Variants in RORA observed in about 807,000 individuals in gnomAD.
RORA encodes the protein nuclear receptor ROR-alpha.
A neutral mutation model predicts 69.5 loss-of-function variants in RORA; 7 were observed. That is an observed-to-expected ratio of 0.10 (90% CI 0.06 to 0.19). The LOEUF is 0.19. RORA is among the 10% of genes least tolerant of loss of function. The pLI is 1.00. For missense variants in RORA, 457 were observed against 663.0 expected, an observed-to-expected ratio of 0.69 and a Z score of 3.41; for synonymous variants, 261 against 240.8, an observed-to-expected ratio of 1.08 and a Z score of -0.78.
chr15:61,019,550 T>C (rs1056219269), intron 1 of RORA, among the ~76,000 whole-genome samples: 22 of 152,106 alleles, frequency 1.4e-4, no homozygotes, highest in African/African-American at 5.3e-4. Context: ...GTTCAGAGGA[T>C]AATCGTTAGA....
intron 1 of RORA, among the ~76,000 whole-genome samples, 200 bp downstream of exon 1, chr15:61,228,853 G>T (rs2080173199): frequency 1.3e-5 from 2 of 150,554 alleles, no homozygotes; most frequent in South Asian, 4.2e-4. Flanking sequence ...GCTCCCGCAA[G>T]CCGAGAACGG....
chr15:60,708,061 G>T (rs1166017216), intron 1 of RORA, among the ~76,000 whole-genome samples: 1 of 152,100 alleles, frequency 6.6e-6, no homozygotes, highest in African/African-American at 2.4e-5. Flanking sequence ...CACCTCCTTG[G>T]ACTGAGGCTT....
At chr15:60,971,701 C>G (rs1893719097) in intron 1 of RORA, among the ~76,000 whole-genome samples, 1 of 152,230 alleles carries the variant, frequency 6.6e-6, no homozygotes, top group Non-Finnish European at 1.5e-5. Flanking sequence ...CTCTTAAAAG[C>G]TCTTTTACAG....
intron 1 of RORA, among the ~76,000 whole-genome samples, chr15:60,944,603 T>A (rs979361206): frequency 9.3e-5 from 14 of 150,110 alleles, no homozygotes; most frequent in Non-Finnish European, 2.1e-4. Context: ...CAAGCATCTG[T>A]GATCTCAGCT....
chr15:60,865,972 T>C (rs2073482788), intron 1 of RORA, among the ~76,000 whole-genome samples: 1 of 151,508 alleles, frequency 6.6e-6, no homozygotes, highest in African/African-American at 2.4e-5. Flanking sequence ...TTTTTACATG[T>C]GATATTTTGA....
intron 1 of RORA, among the ~76,000 whole-genome samples, chr15:61,207,973 T>C (rs901418193): frequency 2.0e-5 from 3 of 152,242 alleles, no homozygotes. Context: ...ACATTTTCAA[T>C]GACCCAGCCA....
At chr15:60,558,242 C>A in intron 2 of RORA, 1 of 1,611,496 alleles carries the variant, frequency 6.2e-7, no homozygotes, top group Non-Finnish European at 8.5e-7. Context: ...CCAGTAAGAA[C>A]AAAAGCATCA....
At chr15:60,736,164 G>T (rs867660874) in intron 1 of RORA, among the ~76,000 whole-genome samples, 53 of 152,242 alleles carry the variant, frequency 3.5e-4, no homozygotes, top group Middle Eastern at 6.8e-3. Flanking sequence ...GCTAAGAGTG[G>T]GGCCCAGATT....
intron 1 of RORA, among the ~76,000 whole-genome samples, chr15:61,227,206 A>C (rs2080153588): frequency 2.1e-5 from 2 of 95,280 alleles, no homozygotes; most frequent in East Asian, 3.3e-4. Flanking sequence ...TGTCCCCCCC[A>C]TTCCAAAAAA....
rs560396508 is a variant in RORA at position 60,544,451 on chromosome 15, C to T, written c.197-12600G>A. On this transcript the variant is annotated intron_variant, in intron 2 of 10. Transcript: ENST00000335670. ...CAGCTAGAACACCGTTTTTATACAC[C>T]GAACCCCTCGTGCTCTCCCTGCTTT... 6.6e-5 allele frequency among the ~76,000 whole-genome samples: 10 copies of T among 152,196 alleles called. No homozygotes were observed. In the South Asian group the frequency reaches 1.9e-3, roughly 28 times the overall value.
intron 1 of RORA, among the ~76,000 whole-genome samples, chr15:61,013,910 A>G (rs915213193): frequency 1.9e-4 from 28 of 150,482 alleles, no homozygotes; most frequent in Admixed American, 1.3e-3. Flanking sequence ...CAGCCTCCCG[A>G]GTAGCTGCGT....
chr15:60,942,130 C>T (rs536843788), intron 1 of RORA, among the ~76,000 whole-genome samples: 1 of 151,916 alleles, frequency 6.6e-6, no homozygotes, highest in East Asian at 1.9e-4. Flanking sequence ...TGGTTGAAAA[C>T]CAAAATATCA....
chr15:61,123,954 A>G (rs2079123194), intron 1 of RORA, among the ~76,000 whole-genome samples: 1 of 152,198 alleles, frequency 6.6e-6, no homozygotes, highest in African/African-American at 2.4e-5. Flanking sequence ...GCCTGCTGCA[A>G]AATCCTCGAA....
intron 1 of RORA, among the ~76,000 whole-genome samples, chr15:61,073,810 G>A (rs2078406796): frequency 6.6e-6 from 1 of 152,140 alleles, no homozygotes; most frequent in African/African-American, 2.4e-5. Flanking sequence ...GGGTTTTCTG[G>A]AGTTACTCAA....
Position 61,131,628 on chromosome 15 carries a change from C to G in RORA, c.166+97425G>C, listed in dbSNP as rs374041653. ...AACATGTGCTACACTACTGACTATC[C>G]GTTAGACAGTGCTTTAAGCACTTTT... On this transcript the variant is annotated intron_variant, in intron 1 of 10. Transcript: ENST00000335670. The surrounding 1 kb of genome is among the most constrained non-coding windows in gnomAD (Gnocchi z 4.2). Among the ~76,000 whole-genome samples, 1 of 152,190 alleles carries G rather than the reference C, an allele frequency of 6.6e-6. No homozygotes were observed. Among genetic ancestry groups the G allele is most frequent in the African/African-American group, 2.4e-5 (1 of 41,440 alleles).
intron 1 of RORA, among the ~76,000 whole-genome samples, chr15:61,144,968 G>A (rs1206224418): frequency 6.6e-6 from 1 of 151,990 alleles, no homozygotes; most frequent in Non-Finnish European, 1.5e-5. Context: ...AAATATTAAT[G>A]GTCAAAAAGG....
At chr15:60,636,418 G>A (rs181743976) in intron 2 of RORA, among the ~76,000 whole-genome samples, 1 of 152,268 alleles carries the variant, frequency 6.6e-6, no homozygotes, top group Admixed American at 6.5e-5. Flanking sequence ...AGTAATTGTG[G>A]TTTTTGCAAT....
chr15:60,641,884 C>G (rs566646924), intron 2 of RORA, among the ~76,000 whole-genome samples: 1 of 152,230 alleles, frequency 6.6e-6, no homozygotes, highest in East Asian at 1.9e-4. Flanking sequence ...AAAATAAGGA[C>G]TTATATTTTG....
At chr15:60,667,120 A>T (rs1048692018) in intron 2 of RORA, among the ~76,000 whole-genome samples, 1 of 152,086 alleles carries the variant, frequency 6.6e-6, no homozygotes, top group Admixed American at 6.6e-5. Context: ...TTTTTATCAC[A>T]CTCTTAGCAC....
Sources: allele counts gnomAD v4.1 joint callset (sites outside exome capture counted in the v4.1 genomes callset), GRCh38; gene constraint gnomAD v4.1.1; non-coding constraint Gnocchi (gnomAD v3.1); transcripts MANE v1.5; gene names NCBI Gene and HGNC (gene_info 2026-07-23, HGNC 2026-07-21).